The following MECOM variants were observed in gnomAD, a reference collection of about 807,000 sequenced individuals.
MECOM encodes histone-lysine N-methyltransferase MECOM.
A neutral mutation model predicts 116.3 loss-of-function variants in MECOM; 13 were observed. The observed-to-expected ratio is 0.11, with a 90% CI of 0.07 to 0.18. The LOEUF is 0.18. MECOM is among the 10% of genes least tolerant of loss of function. MECOM has a pLI of 1.00. For missense variants in MECOM, 1,299 were observed against 1,509.0 expected (o/e 0.86, Z 2.31); for synonymous variants, 528 against 535.2 (o/e 0.99, Z 0.19).
chr3:169,471,949 T>C (rs1749316781), intron 1 of MECOM, among the ~76,000 whole-genome samples: 2 of 152,196 alleles, frequency 1.3e-5, no homozygotes, highest in Admixed American at 1.3e-4. Context: ...TCTTGAACTT[T>C]CAGTTTAAGA....
At chr3:169,114,929 C>A (rs1383350953) in intron 8 of MECOM, among the ~76,000 whole-genome samples, 1 of 152,114 alleles carries the variant, frequency 6.6e-6, no homozygotes, top group African/African-American at 2.4e-5. Context: ...AACAATATGA[C>A]CAGCCCTTAT....
At position 169,102,222 on chromosome 3, in the gene MECOM, G is replaced by A. The variant is rs1240495654; in HGVS notation, c.2609C>T (p.Ser870Leu). The A allele has an allele frequency of 6.2e-7, 1 of 1,612,212 alleles. No homozygotes were observed. Among genetic ancestry groups the A allele is most frequent in the Non-Finnish European group, 8.5e-7 (1 of 1,178,902 alleles). Reference protein sequence around the residue: ...FQLPDQRTWMSAIENMAEKLE... With the variant: ...FQLPDQRTWMLAIENMAEKLE... ...CTTTTCTGCCATGTTTTCAATAGCT[G>A]ACATCTGAAAGGTAAAAGCACAAGA... Residue 870 changes from serine (S) to leucine (L), a missense_variant, in exon 11 of 17, where the codon TCA becomes TTA. Around this residue, in one of 6 missense-constraint regions of MECOM, gnomAD observed 340 missense variants for 312.6 expected, o/e 1.09. Coordinates refer to ENST00000651503, the MANE Select transcript of MECOM (RefSeq NM_004991.4).
At chr3:169,421,163 G>GT (rs1739662343) in intron 1 of MECOM, among the ~76,000 whole-genome samples, 2 of 152,106 alleles carry the variant, frequency 1.3e-5, no homozygotes, top group South Asian at 4.1e-4. Context: ...TCAAAACCAG[G>GT]TAAAAAGGGA....
At chr3:169,622,955 C>T (rs184746218) in intron 1 of MECOM, among the ~76,000 whole-genome samples, 14 of 152,108 alleles carry the variant, frequency 9.2e-5, no homozygotes, top group African/African-American at 3.1e-4. Context: ...TTTACTGAAA[C>T]GAAGATCAGA....
intron 2 of MECOM, among the ~76,000 whole-genome samples, chr3:169,329,900 G>C (rs1324993390): frequency 1.3e-5 from 2 of 152,230 alleles, no homozygotes; most frequent in Non-Finnish European, 1.5e-5. Context: ...GAAGTAAGCA[G>C]ATTACCATGC....
chr3:169,289,908 A>T (rs956349200), intron 2 of MECOM, among the ~76,000 whole-genome samples: 7 of 152,206 alleles, frequency 4.6e-5, no homozygotes, highest in Non-Finnish European at 1.0e-4. Context: ...AGATTGAAGC[A>T]TAATTTAAAA....
chr3:169,177,674 TG>T (rs1246781953), intron 2 of MECOM, among the ~76,000 whole-genome samples: 1 of 152,090 alleles, frequency 6.6e-6, no homozygotes, highest in African/African-American at 2.4e-5. Context: ...CCCAGCACTT[TG>T]GGAAGCCAAG....
At chr3:169,147,332 C>G in intron 2 of MECOM, 7 of 985,534 alleles carry the variant, frequency 7.1e-6, no homozygotes, top group Non-Finnish European at 8.4e-6. Context: ...CTCACGGGAT[C>G]GTCCCCTTTC....
rs978614536 is a variant in MECOM at position 169,119,162 on chromosome 3, A to T, written c.1132+1894T>A. Among the ~76,000 whole-genome samples, 4 of 152,344 alleles carry T rather than the reference A, an allele frequency of 2.6e-5. No individual in the cohort carries two copies. The East Asian group carries it at 7.7e-4, about 29-fold the overall frequency. On this transcript the variant is annotated intron_variant, in intron 7 of 16. Transcript: ENST00000651503. Reference sequence around the variant, plus strand: ...ACTTTGGGCTCAAGCGTGGCAGCACACTGTAATAAGAGACAGTTGCCATAA... The same window carrying T: ...ACTTTGGGCTCAAGCGTGGCAGCACTCTGTAATAAGAGACAGTTGCCATAA...
At chr3:169,447,239 T>C (rs896191601) in intron 1 of MECOM, among the ~76,000 whole-genome samples, 5 of 152,276 alleles carry the variant, frequency 3.3e-5, no homozygotes, top group Non-Finnish European at 5.9e-5. Context: ...CTGCCACCCA[T>C]GCCCTAGAGT....
chr3:169,310,021 C>A (rs1718452568), intron 2 of MECOM, among the ~76,000 whole-genome samples: 1 of 152,200 alleles, frequency 6.6e-6, no homozygotes, highest in Non-Finnish European at 1.5e-5. Flanking sequence ...TGGCCTTGGA[C>A]CCTTTTCCCA....
intron 1 of MECOM, among the ~76,000 whole-genome samples, chr3:169,558,892 C>T (rs912126302): frequency 6.6e-6 from 1 of 152,028 alleles, no homozygotes; most frequent in Non-Finnish European, 1.5e-5. Context: ...CAACCCCAGA[C>T]ATCTAGAAAA....
chr3:169,460,744 C>G (rs1747304013), intron 1 of MECOM, among the ~76,000 whole-genome samples: 1 of 152,138 alleles, frequency 6.6e-6, no homozygotes, highest in Non-Finnish European at 1.5e-5. Context: ...CCCCCATTAG[C>G]CCTGTCCATT....
chr3:169,305,695 C>T (rs1249028763), intron 2 of MECOM, among the ~76,000 whole-genome samples: 1 of 152,196 alleles, frequency 6.6e-6, no homozygotes, highest in Non-Finnish European at 1.5e-5. Flanking sequence ...TTTCATGCCA[C>T]ACCTTTCAGT....
At chr3:169,320,378 T>C (rs1720631859) in intron 2 of MECOM, among the ~76,000 whole-genome samples, 1 of 152,208 alleles carries the variant, frequency 6.6e-6, no homozygotes, top group South Asian at 2.1e-4. Context: ...CAAAGTGATG[T>C]TGAAGACATA....
chr3:169,565,330 T>G (rs1477863283), intron 1 of MECOM, among the ~76,000 whole-genome samples: 1 of 152,174 alleles, frequency 6.6e-6, no homozygotes, highest in African/African-American at 2.4e-5. Flanking sequence ...AAATGCAATG[T>G]GAGGGATAAC....
chr3:169,510,262 G>A (rs753776743), intron 1 of MECOM, among the ~76,000 whole-genome samples: 1 of 152,148 alleles, frequency 6.6e-6, no homozygotes, highest in Non-Finnish European at 1.5e-5. Flanking sequence ...GGGAGGGAGT[G>A]TCCCCCCACC....
At chr3:169,482,625 C>A (rs1048331921) in intron 1 of MECOM, among the ~76,000 whole-genome samples, 1 of 152,156 alleles carries the variant, frequency 6.6e-6, no homozygotes, top group African/African-American at 2.4e-5. Context: ...TGAGCCACCG[C>A]GCCCGGCAAC....
At chr3:169,133,804 CT>C in intron 3 of MECOM, 2 of 619,234 alleles carry the variant, frequency 3.2e-6, no homozygotes, top group Non-Finnish European at 4.9e-6. Context: ...TGTGAGTTTG[CT>C]TTTTTCCCCT....
Sources: allele counts gnomAD v4.1 joint callset (sites outside exome capture counted in the v4.1 genomes callset), GRCh38; gene constraint gnomAD v4.1.1; regional missense constraint gnomAD v4.1.1; transcripts MANE v1.5; gene names NCBI Gene and HGNC (gene_info 2026-07-23, HGNC 2026-07-21).